The following GMDS variants were observed in gnomAD, a reference collection of about 807,000 sequenced individuals.
GMDS encodes GDP-mannose 4,6-dehydratase.
In GMDS, 20 loss-of-function variants were observed where a neutral mutation model predicts 49.9. That is an observed-to-expected ratio of 0.40 (90% CI 0.28 to 0.58). GMDS has a LOEUF of 0.58. Ranked by LOEUF, GMDS falls within the 20% of genes least tolerant of loss-of-function variation. The pLI is 0.42. For synonymous variants in GMDS, 177 were observed against 178.6 expected (o/e 0.99, Z 0.07); for missense variants, 362 against 481.4 (o/e 0.75, Z 2.32).
intron 4 of GMDS, among the ~76,000 whole-genome samples, chr6:2,096,208 A>C (rs1773595175): frequency 6.6e-6 from 1 of 152,004 alleles, no homozygotes; most frequent in African/African-American, 2.4e-5. Flanking sequence ...GGTAGATCTT[A>C]ATTTTAATGA....
At chr6:2,178,065 T>G (rs1778363509) in intron 1 of GMDS, among the ~76,000 whole-genome samples, 1 of 152,122 alleles carries the variant, frequency 6.6e-6, no homozygotes, top group Admixed American at 6.5e-5. Context: ...TATTTTCACA[T>G]ATAAGTGGGA....
chr6:1,709,816 T>C (rs1202487233), intron 9 of GMDS, among the ~76,000 whole-genome samples: 2 of 152,222 alleles, frequency 1.3e-5, no homozygotes, highest in African/African-American at 4.8e-5. Context: ...AAACCAGAGC[T>C]TGAAGTTTGG....
At chr6:2,030,702 AC>A (rs377232471) in intron 4 of GMDS, among the ~76,000 whole-genome samples, 115 of 152,236 alleles carry the variant, frequency 7.6e-4, no homozygotes, top group African/African-American at 2.6e-3. Flanking sequence ...TTTAAGTAGT[AC>A]AGTTGACAAA....
intron 7 of GMDS, among the ~76,000 whole-genome samples, chr6:1,849,683 T>C (rs1219772609): frequency 6.6e-6 from 1 of 152,224 alleles, no homozygotes; most frequent in Non-Finnish European, 1.5e-5. Flanking sequence ...TTTCCCTGAA[T>C]TTGACTTTCC....
intron 7 of GMDS, among the ~76,000 whole-genome samples, chr6:1,890,726 T>C (rs1363135107): frequency 2.6e-5 from 4 of 152,242 alleles, no homozygotes; most frequent in Non-Finnish European, 5.9e-5. Flanking sequence ...GCCTGTAATG[T>C]ACCTTTTACC....
chr6:1,740,917 A>C (rs925140798), intron 8 of GMDS, among the ~76,000 whole-genome samples: 1 of 152,210 alleles, frequency 6.6e-6, no homozygotes, highest in African/African-American at 2.4e-5. Context: ...TTCATGCAAA[A>C]CAAATTTATG....
intron 9 of GMDS, among the ~76,000 whole-genome samples, chr6:1,703,658 C>T (rs1765621653): frequency 6.6e-6 from 1 of 152,232 alleles, no homozygotes; most frequent in Non-Finnish European, 1.5e-5. Flanking sequence ...GTGTCCTGCC[C>T]CACAGCTGCC....
At chr6:1,756,123 T>C (rs746243370) in intron 7 of GMDS, among the ~76,000 whole-genome samples, 2 of 152,134 alleles carry the variant, frequency 1.3e-5, no homozygotes, top group Admixed American at 6.5e-5. Flanking sequence ...CCATAAACAA[T>C]ATATTCCCCA....
intron 7 of GMDS, among the ~76,000 whole-genome samples, chr6:1,777,393 C>A (rs1266161284): frequency 6.6e-6 from 1 of 152,216 alleles, no homozygotes; most frequent in Non-Finnish European, 1.5e-5. Flanking sequence ...GAAAACTAAT[C>A]TGCTTATATT....
chr6:2,168,412 T>C lies in GMDS; in HGVS notation c.103-43681A>G, dbSNP rs575014832. 3.3e-5 allele frequency among the ~76,000 whole-genome samples: 5 copies of C among 152,340 alleles called. No individual in the cohort carries two copies. The South Asian group carries it at 1.0e-3, about 32-fold the overall frequency. On this transcript the variant is annotated intron_variant, in intron 1 of 10. Transcript: ENST00000380815. Reference sequence around the variant, plus strand: ...GGAGCAAAGCAAAAGGTCACTTCCCTACAAACAAAATGTGGGCCTCAGAAT... The same window carrying C: ...GGAGCAAAGCAAAAGGTCACTTCCCCACAAACAAAATGTGGGCCTCAGAAT...
chr6:1,660,208 G>C (rs1764023248), intron 9 of GMDS, among the ~76,000 whole-genome samples: 1 of 152,056 alleles, frequency 6.6e-6, no homozygotes, highest in African/African-American at 2.4e-5. Context: ...TCATGGGATG[G>C]GCCAGGCAAA....
At chr6:2,105,076 G>T (rs1202034096) in intron 4 of GMDS, among the ~76,000 whole-genome samples, 3 of 151,688 alleles carry the variant, frequency 2.0e-5, no homozygotes, top group African/African-American at 7.3e-5. Flanking sequence ...CAGCGACTCG[G>T]GAGGCTGAGG....
intron 4 of GMDS, among the ~76,000 whole-genome samples, chr6:2,092,027 C>T (rs1045249137): frequency 5.3e-5 from 8 of 152,044 alleles, no homozygotes; most frequent in African/African-American, 1.9e-4. Flanking sequence ...ATGGGAACAA[C>T]CCTTTCTAAA....
intron 1 of GMDS, among the ~76,000 whole-genome samples, chr6:2,212,143 T>C (rs1466734107): frequency 6.6e-6 from 1 of 152,220 alleles, no homozygotes; most frequent in Non-Finnish European, 1.5e-5. Flanking sequence ...AGATGTGATA[T>C]TTTGTGATAT....
chr6:1,727,533 C>T (rs1293668307), intron 8 of GMDS, among the ~76,000 whole-genome samples: 1 of 151,962 alleles, frequency 6.6e-6, no homozygotes, highest in Non-Finnish European at 1.5e-5. Flanking sequence ...CCTATGGACA[C>T]AGGACAATTC....
chr6:1,780,864 G>A (rs1249918831), intron 7 of GMDS, among the ~76,000 whole-genome samples: 1 of 152,148 alleles, frequency 6.6e-6, no homozygotes, highest in Non-Finnish European at 1.5e-5. Flanking sequence ...CTGTAACCCA[G>A]GATTTACAAA....
chr6:2,020,811 T>C (rs1413892215), intron 4 of GMDS, among the ~76,000 whole-genome samples: 1 of 152,212 alleles, frequency 6.6e-6, no homozygotes, highest in East Asian at 1.9e-4. Context: ...ATACAGCTAC[T>C]CATAAGGAAG....
intron 4 of GMDS, among the ~76,000 whole-genome samples, chr6:1,991,272 T>C (rs1191727631): frequency 6.6e-6 from 1 of 152,142 alleles, no homozygotes; most frequent in Non-Finnish European, 1.5e-5. Flanking sequence ...ACTCCCAGGC[T>C]CTTCCACAGC....
intron 7 of GMDS, among the ~76,000 whole-genome samples, chr6:1,896,079 G>A (rs189932410): frequency 6.6e-6 from 1 of 152,084 alleles, no homozygotes; most frequent in Non-Finnish European, 1.5e-5. Flanking sequence ...AAGCAGATTG[G>A]GGGAGCAGAG....
Sources: allele counts gnomAD v4.1 joint callset (sites outside exome capture counted in the v4.1 genomes callset), GRCh38; gene constraint gnomAD v4.1.1; transcripts MANE v1.5; gene names NCBI Gene and HGNC (gene_info 2026-07-23, HGNC 2026-07-21).